The following GP2 variants were observed in gnomAD, a reference collection of about 807,000 sequenced individuals.
GP2 encodes glycoprotein 2.
GP2 carries 58 observed loss-of-function variants against 60.8 expected under a neutral mutation model. That is an observed-to-expected ratio of 0.95 (90% CI 0.77 to 1.19). The LOEUF (loss-of-function observed/expected upper bound fraction) is 1.19, where lower values mean the gene tolerates loss of function less well. GP2 is among the 50% of genes most tolerant of loss of function. The probability of loss-of-function intolerance (pLI) is 0.00; values close to 1 mark genes in which losing one functional copy is unlikely to be tolerated. For missense variants in GP2, 647 were observed against 667.4 expected (o/e 0.97, Z 0.34); for synonymous variants, 280 against 253.4 (o/e 1.10, Z -1.00).
intron 3 of GP2, chr16:20,323,405 A>G: frequency 1.4e-6 from 1 of 718,432 alleles, no homozygotes; most frequent in South Asian, 1.5e-5. Context: ...GAGAGGATCA[A>G]ATGAGTTAAT....
rs1963988643 is a variant in GP2, at chr16:20,311,298, ATGAC to A, written c.1547-21_1547-18del. 6.5e-7 allele frequency: 1 copy of A among 1,538,296 alleles called. No individual in the cohort carries two copies. The highest frequency in any genetic ancestry group is 1.7e-5 in the Admixed American group (1 of 59,856). The stretch of plus-strand genomic sequence containing the variant: ...CCAGGAACCCTGAAATACAAGAAAT[ATGAC>A]TGTCAAGTGTTGGGCTTTGGGAGTC... On this transcript the variant is annotated intron_variant, in intron 10 of 10. Transcript: ENST00000302555.
rs1964451697 is a variant in GP2 at position 20,323,946 on chromosome 16, G to A, written c.405C>T (p.His135=). ...HPALGDGITN[H]TACAHWSGNC... is the part of the protein sequence containing the mutation. ...TGCCACTCCAATGGGCACAGGCAGTGTGGTTGGTGATGCCATCCCCAAGGG... is the reference window on the plus strand; with the variant it reads ...TGCCACTCCAATGGGCACAGGCAGTATGGTTGGTGATGCCATCCCCAAGGG... The change falls in exon 3 of 11, where the codon CAC becomes CAT. Residue 135 remains histidine, a synonymous_variant. Transcript: ENST00000302555. 2 of 1,614,022 alleles carry A rather than the reference G, an allele frequency of 1.2e-6. No homozygotes were observed. Among genetic ancestry groups the A allele is most frequent in the Admixed American group, 1.7e-5 (1 of 60,016 alleles).
At chr16:20,311,624 T>C (rs1198861955) in intron 10 of GP2, among the ~76,000 whole-genome samples, 2 of 152,202 alleles carry the variant, frequency 1.3e-5, no homozygotes, top group African/African-American at 4.8e-5. Context: ...TGCTCTCTCA[T>C]CAACCATCTA....
chr16:20,314,245 TAA>T lies in GP2; in HGVS notation c.1546+410_1546+411del, dbSNP rs199505876. Among the ~76,000 whole-genome samples, 479 of 129,738 alleles carry T rather than the reference TAA, an allele frequency of 3.7e-3. 6 individuals are homozygous for T. The highest frequency in any genetic ancestry group is 0.013 in the African/African-American group (468 of 35,298). The allele number at this position is 129,738 out of a possible 152,430, so 85.1% of individuals were successfully genotyped here. A position where few individuals can be genotyped will look rare whatever the true frequency, so the allele number is the denominator to read the frequency against. On this transcript the variant is annotated intron_variant, in intron 10 of 10. Transcript: ENST00000302555. ...TCCCAGAACTTAAAGTAAAATGAATTAAAAAAAAAAAAAAGTTCTTGAGTTTG... is the reference window on the plus strand; with the variant it reads ...TCCCAGAACTTAAAGTAAAATGAATTAAAAAAAAAAAAGTTCTTGAGTTTG...
chr16:20,311,290 C>T lies in GP2; in HGVS notation c.1547-9G>A. On this transcript the variant is annotated splice_polypyrimidine_tract_variant and intron_variant, in intron 10 of 10. Coordinates refer to ENST00000302555, the MANE Select transcript of GP2 (RefSeq NM_001502.4). Reference sequence around the variant, plus strand: ...CCAGGCCACCAGGAACCCTGAAATACAAGAAATATGACTGTCAAGTGTTGG... The same window carrying T: ...CCAGGCCACCAGGAACCCTGAAATATAAGAAATATGACTGTCAAGTGTTGG... The T allele has an allele frequency of 1.9e-6, 3 of 1,578,280 alleles. No individual in the cohort carries two copies. The highest frequency in any genetic ancestry group is 1.7e-6 in the Non-Finnish European group (2 of 1,147,568).
chr16:20,318,255 A>T lies in GP2; in HGVS notation c.1183T>A (p.Leu395Met). Residue 395 changes from leucine to methionine, a missense_variant, in exon 7 of 11, where the codon TTG (leucine) becomes ATG (methionine). Transcript: ENST00000302555. ...QGDTSRFNLV[L>M]RNCYATPTED... ...GTGGGGGTGGCATAGCAGTTCCTCA[A>T]CACCAGGTTAAACCGGGAGGTGTCC... 2 of 1,612,484 alleles carry T rather than the reference A, an allele frequency of 1.2e-6. No individual in the cohort carries two copies.
chr16:20,318,115 GA>G, intron 7 of GP2, 69 bp downstream of exon 7: 1 of 1,258,054 alleles, frequency 7.9e-7, no homozygotes, highest in South Asian at 1.3e-5. Context: ...GTCTGCTGGG[GA>G]TGGATGAGAT....
chr16:20,315,160 AT>A (rs1567285975), intron 9 of GP2, among the ~76,000 whole-genome samples: 1 of 152,122 alleles, frequency 6.6e-6, no homozygotes, highest in Non-Finnish European at 1.5e-5. Context: ...GACAGCCTCC[AT>A]TTGCTCTGGA....
rs773137956 is a variant in GP2 at position 20,327,495 on chromosome 16, T to C, written c.-65A>G. The C allele has an allele frequency of 8.5e-6, 11 of 1,288,746 alleles. No individual in the cohort carries two copies. 79.8% of individuals were successfully genotyped at this position (1,288,746 alleles called of 1,614,324 possible). ...CGATGAGAACACAAAGCGTTCCTCCTCTGGCCAGCCATGGGAATGCAGCCT... is the reference window on the plus strand; with the variant it reads ...CGATGAGAACACAAAGCGTTCCTCCCCTGGCCAGCCATGGGAATGCAGCCT... On this transcript the variant is annotated 5_prime_UTR_variant, in exon 1 of 11. Coordinates refer to ENST00000302555, the MANE Select transcript of GP2 (RefSeq NM_001502.4).
intron 10 of GP2, among the ~76,000 whole-genome samples, chr16:20,314,045 G>A (rs992500114): frequency 1.3e-5 from 2 of 151,992 alleles, no homozygotes; most frequent in Non-Finnish European, 2.9e-5. Flanking sequence ...GACACAGGGA[G>A]GGGAACATCA....
chr16:20,313,241 C>T (rs967340227), intron 10 of GP2, among the ~76,000 whole-genome samples: 1 of 124,530 alleles, frequency 8.0e-6, no homozygotes, highest in African/African-American at 2.8e-5. Flanking sequence ...AAAATGTTCT[C>T]TCTCTCTCTC....
intron 2 of GP2, among the ~76,000 whole-genome samples, 154 bp from the exon 3 acceptor site, chr16:20,324,410 G>A (rs1431040716): frequency 2.6e-5 from 4 of 152,134 alleles, no homozygotes; most frequent in Admixed American, 2.6e-4. Flanking sequence ...CATCACCTTG[G>A]GGGCAGAATA....
In GP2 at chr16:20,311,405, T is replaced by C. The variant is rs543918629; in HGVS notation, c.1547-124A>G. ...GGCAAAGCATCTTTGATATCTGGCC[T>C]AGTTATAGTCTCTGGGACTCACATG... On this transcript the variant is annotated intron_variant, in intron 10 of 10. Transcript: ENST00000302555. 8.4e-5 allele frequency: 57 copies of C among 679,662 alleles called. No homozygotes were observed. In the Middle Eastern group the frequency reaches 1.0e-3, roughly 12 times the overall value. The allele number at this position is 679,662 out of a possible 1,614,324, so 42.1% of individuals were successfully genotyped here. A position where few individuals can be genotyped will look rare whatever the true frequency, so the allele number is the denominator to read the frequency against.
chr16:20,319,701 G>T lies in GP2; in HGVS notation c.926C>A (p.Thr309Asn). 2 of 1,607,738 alleles carry T rather than the reference G, an allele frequency of 1.2e-6. No individual in the cohort carries two copies. Among genetic ancestry groups the T allele is most frequent in the Non-Finnish European group, 1.7e-6 (2 of 1,174,162 alleles). Residue 309 changes from threonine to asparagine, a missense_variant, in exon 6 of 11, where the codon ACC (threonine) becomes AAC (asparagine). Transcript: ENST00000302555. ...SLVNDFIIRD[T>N]ILNINFQCAY... is the part of the protein sequence containing the mutation. ...ACATTGGAAGTTGATGTTGAGGATGGTGTCTCTGATGATGAAATCATTGAC... is the reference window on the plus strand; with the variant it reads ...ACATTGGAAGTTGATGTTGAGGATGTTGTCTCTGATGATGAAATCATTGAC...
chr16:20,320,276 T>C lies in GP2; in HGVS notation c.844A>G (p.Arg282Gly). 1.9e-6 allele frequency: 3 copies of C among 1,613,100 alleles called. No homozygotes were observed. The highest frequency in any genetic ancestry group is 1.7e-6 in the Non-Finnish European group (2 of 1,179,022). Residue 282 changes from arginine to glycine, a missense_variant, in exon 5 of 11, where the codon AGG (arginine) becomes GGG (glycine). Transcript: ENST00000302555. ...VTSPVQASAC[R>G]NILERNQTHA... is the part of the protein sequence containing the mutation. Reference sequence around the variant, plus strand: ...AAGCCACTTACCTCCAGAATGTTCCTGCAGGCACTAGCCTGGACGGGGCTG... The same window carrying C: ...AAGCCACTTACCTCCAGAATGTTCCCGCAGGCACTAGCCTGGACGGGGCTG...
chr16:20,312,907 C>T (rs1411414960), intron 10 of GP2, among the ~76,000 whole-genome samples: 1 of 152,148 alleles, frequency 6.6e-6, no homozygotes, highest in Non-Finnish European at 1.5e-5. Flanking sequence ...GTCTTGGCCT[C>T]CCAAAGTGCT....
intron 10 of GP2, among the ~76,000 whole-genome samples, chr16:20,313,867 T>G (rs945908716): frequency 6.6e-6 from 1 of 152,166 alleles, no homozygotes; most frequent in Non-Finnish European, 1.5e-5. Flanking sequence ...GGCTGCCATC[T>G]TGGAACATGA....
At chr16:20,312,519 C>T (rs868193271) in intron 10 of GP2, among the ~76,000 whole-genome samples, 7 of 152,158 alleles carry the variant, frequency 4.6e-5, no homozygotes, top group African/African-American at 1.4e-4. Context: ...TGTCCAGAAG[C>T]GTCCAAAATC....
rs1029473712 is a variant in GP2 at position 20,310,737 on chromosome 16, C to T, written c.*486G>A. On this transcript the variant is annotated 3_prime_UTR_variant, in exon 11 of 11. Coordinates refer to ENST00000302555, the MANE Select transcript of GP2 (RefSeq NM_001502.4). ...AGCCGAGGACAGATTGACAGAAACC[C>T]CACTATGTTGCTTTTCTTTTTTTTT... 248 of 155,034 alleles carry T rather than the reference C, an allele frequency of 1.6e-3. 2 individuals carry two copies. The highest frequency in any genetic ancestry group is 2.5e-3 in the Non-Finnish European group (179 of 70,746). 9.6% of individuals were successfully genotyped at this position (155,034 alleles called of 1,614,324 possible).
Sources: allele counts gnomAD v4.1 joint callset (sites outside exome capture counted in the v4.1 genomes callset), GRCh38; gene constraint gnomAD v4.1.1; transcripts MANE v1.5; gene names NCBI Gene and HGNC (gene_info 2026-07-23, HGNC 2026-07-21).